The following PCLAF variants were observed in gnomAD, a reference collection of about 807,000 sequenced individuals.
PCLAF encodes PCNA clamp associated factor.
PCLAF carries 12 observed loss-of-function variants against 15.1 expected under a neutral mutation model. The observed-to-expected ratio is 0.79, with a 90% CI of 0.51 to 1.29. PCLAF has a LOEUF of 1.29. Among genes scored for constraint, PCLAF ranks in the 50% most tolerant of loss-of-function variants. PCLAF has a pLI of 0.00. For missense variants in PCLAF, 116 were observed against 130.9 expected, an observed-to-expected ratio of 0.89 and a Z score of 0.56; for synonymous variants, 33 against 47.1, an observed-to-expected ratio of 0.70 and a Z score of 1.22.
At chr15:64,384,750 A>G (rs997375124), upstream of PCLAF, among the ~76,000 whole-genome samples, 2 of 151,800 alleles carry the variant, frequency 1.3e-5, no homozygotes, top group Non-Finnish European at 2.9e-5. Flanking sequence ...AAAAAAAAAA[A>G]AAAAGAAAAG....
At position 64,381,384 on chromosome 15, in the gene PCLAF, A is replaced by C. The variant is rs928597808; in HGVS notation, c.-13T>G. 9.3e-6 allele frequency: 15 copies of C among 1,613,990 alleles called. No individual in the cohort carries two copies. In the Admixed American group the frequency reaches 2.5e-4, roughly 27 times the overall value. ...TAGTCCGCACCATGTTCAAACAAGA[A>C]GAGAGGAGAGGAGAGAACGAACTGA... On this transcript the variant is annotated 5_prime_UTR_variant, in exon 1 of 4. Transcript: ENST00000300035.
intron 3 of PCLAF, chr15:64,373,260 T>C (rs1279677849): frequency 6.5e-6 from 1 of 154,520 alleles, no homozygotes; most frequent in African/African-American, 2.4e-5. Context: ...TCCTCTGTCT[T>C]ATACGTGAAA....
Position 64,376,739 on chromosome 15 carries a change from T to C in PCLAF, c.290+4A>G, listed in dbSNP as rs767605797. 5 of 1,607,508 alleles carry C rather than the reference T, an allele frequency of 3.1e-6. No individual in the cohort carries two copies. The African/African-American group carries it at 6.7e-5, about 22-fold the overall frequency. On this transcript the variant is annotated splice_donor_region_variant and intron_variant, in intron 3 of 3. Transcript: ENST00000300035. ...TCTTTATATTCCAGAATATAAAAAC[T>C]TACTTTCTCTTTGCTTTTCCTAAGC...
At position 64,364,989 on chromosome 15, in the gene PCLAF, TAA is replaced by T. The variant is rs1377592608; in HGVS notation, c.*1039_*1040del. 8.1e-6 allele frequency: 1 copy of T among 122,714 alleles called. No individual in the cohort carries two copies. The highest frequency in any genetic ancestry group is 1.7e-5 in the Non-Finnish European group (1 of 60,434). The allele number at this position is 122,714 out of a possible 1,614,324, so 7.6% of individuals were successfully genotyped here. A position where few individuals can be genotyped will look rare whatever the true frequency, so the allele number is the denominator to read the frequency against. On this transcript the variant is annotated 3_prime_UTR_variant, in exon 4 of 4. Coordinates refer to ENST00000300035, the MANE Select transcript of PCLAF (RefSeq NM_014736.6). The stretch of plus-strand genomic sequence containing the variant: ...GTGAGCCACTGCACTCAGCCTTTTT[TAA>T]AATTTTTTTTTTTTTTTTTTTTGAG...
At chr15:64,372,562 C>G (rs1230152814) in intron 3 of PCLAF, among the ~76,000 whole-genome samples, 1 of 152,092 alleles carries the variant, frequency 6.6e-6, no homozygotes, top group Admixed American at 6.5e-5. Flanking sequence ...TGCAGTGAGC[C>G]GAGATAGCGC....
chr15:64,373,595 G>T, intron 3 of PCLAF: 1 of 1,456,472 alleles, frequency 6.9e-7, no homozygotes, highest in Non-Finnish European at 9.0e-7. Context: ...GGCTGCAGTA[G>T]CTTCCGGCAT....
At chr15:64,383,452 C>T (rs571327637), upstream of PCLAF, among the ~76,000 whole-genome samples, 9 of 151,798 alleles carry the variant, frequency 5.9e-5, no homozygotes, top group East Asian at 1.9e-4. Context: ...CTGCAATCTC[C>T]GCCTCCCGGG....
At chr15:64,370,581 C>A (rs1440627119) in intron 3 of PCLAF, among the ~76,000 whole-genome samples, 1 of 151,800 alleles carries the variant, frequency 6.6e-6, no homozygotes, top group Non-Finnish European at 1.5e-5. Flanking sequence ...GTTGGCCAGG[C>A]TGGTCTCGAA....
At chr15:64,366,976 A>C (rs554291167) in intron 3 of PCLAF, among the ~76,000 whole-genome samples, 1 of 151,892 alleles carries the variant, frequency 6.6e-6, no homozygotes, top group Non-Finnish European at 1.5e-5. Flanking sequence ...CTAAAAAAAA[A>C]AAAAATTAGT....
At position 64,365,913 on chromosome 15, in the gene PCLAF, T is replaced by A. The variant is rs904613943; in HGVS notation, c.*117A>T. 1 of 836,506 alleles carries A rather than the reference T, an allele frequency of 1.2e-6. No individual in the cohort carries two copies. Among genetic ancestry groups the A allele is most frequent in the Non-Finnish European group, 1.9e-6 (1 of 524,762 alleles). 51.8% of individuals were successfully genotyped at this position (836,506 alleles called of 1,614,324 possible). On this transcript the variant is annotated 3_prime_UTR_variant, in exon 4 of 4. Transcript: ENST00000300035. ...TGAACATCTAAATTTAAACCTAAAT[T>A]TTTTAATTAAATGCCTGTTCAACAA...
At chr15:64,373,717 G>C in intron 3 of PCLAF, 1 of 1,535,786 alleles carries the variant, frequency 6.5e-7, no homozygotes, top group Non-Finnish European at 8.7e-7. Context: ...TCAGTGTGCC[G>C]TGTGTCCAGC....
intron 3 of PCLAF, among the ~76,000 whole-genome samples, chr15:64,368,283 C>G (rs986771557): frequency 3.9e-5 from 6 of 152,036 alleles, no homozygotes; most frequent in Middle Eastern, 3.4e-3. Flanking sequence ...AGGTGGACTC[C>G]AGCCTGGGCA....
upstream of PCLAF, among the ~76,000 whole-genome samples, chr15:64,383,858 C>T (rs184761620): frequency 4.1e-4 from 62 of 152,076 alleles, no homozygotes; most frequent in South Asian, 1.0e-3. Flanking sequence ...GGGCAGTCTA[C>T]ATATTACTAT....
At chr15:64,381,966 G>A (rs1364114003), upstream of PCLAF, among the ~76,000 whole-genome samples, 1 of 151,978 alleles carries the variant, frequency 6.6e-6, no homozygotes, top group Non-Finnish European at 1.5e-5. Flanking sequence ...TGTTTACAAG[G>A]GTTTTTTTAA....
intron 3 of PCLAF, among the ~76,000 whole-genome samples, chr15:64,375,485 AC>A (rs1447796952): frequency 6.6e-6 from 1 of 151,946 alleles, no homozygotes; most frequent in Non-Finnish European, 1.5e-5. Flanking sequence ...ATCTCGGCTC[AC>A]TGCAACCTTC....
upstream of PCLAF, among the ~76,000 whole-genome samples, chr15:64,384,281 G>A (rs1052849587): frequency 6.6e-6 from 1 of 152,012 alleles, no homozygotes; most frequent in African/African-American, 2.4e-5. Context: ...TTACAGGTAT[G>A]TGCCACCACA....
At chr15:64,376,233 AAAAAG>A (rs1899597906) in intron 3 of PCLAF, among the ~76,000 whole-genome samples, 1 of 152,162 alleles carries the variant, frequency 6.6e-6, no homozygotes, top group Non-Finnish European at 1.5e-5. Flanking sequence ...TCAGGAAAAA[AAAAAG>A]AAAAGAAATT....
chr15:64,387,134 C>T (rs1056369634), intron 1 of PCLAF, among the ~76,000 whole-genome samples: 2 of 151,846 alleles, frequency 1.3e-5, no homozygotes, highest in Non-Finnish European at 2.9e-5. Context: ...GAAGTTTTAG[C>T]GGTGTGAATC....
intron 3 of PCLAF, among the ~76,000 whole-genome samples, chr15:64,375,518 C>A (rs1566966167): frequency 6.6e-6 from 1 of 152,048 alleles, no homozygotes; most frequent in Non-Finnish European, 1.5e-5. Flanking sequence ...TCAAGCAATT[C>A]TCCCACCTCA....
Sources: allele counts gnomAD v4.1 joint callset (sites outside exome capture counted in the v4.1 genomes callset), GRCh38; gene constraint gnomAD v4.1.1; transcripts MANE v1.5; gene names NCBI Gene and HGNC (gene_info 2026-07-23, HGNC 2026-07-21).